The following MNAT1 variants were observed in gnomAD, a reference collection of about 807,000 sequenced individuals.
MNAT1 encodes the protein CDK-activating kinase assembly factor MAT1.
A neutral mutation model predicts 42.0 loss-of-function variants in MNAT1; 43 were observed. The ratio of observed to expected loss-of-function variants is 1.02; its 90% CI spans 0.80 to 1.32. The LOEUF is 1.32. Ranked by LOEUF, MNAT1 falls within the 40% of genes most tolerant of loss-of-function variation. MNAT1 has a pLI of 0.00. For synonymous variants in MNAT1, 118 were observed against 120.0 expected, an observed-to-expected ratio of 0.98 and a Z score of 0.11; for missense variants, 306 against 350.4, an observed-to-expected ratio of 0.87 and a Z score of 1.01.
chr14:60,759,338 A>C (rs1288186835), intron 1 of MNAT1, among the ~76,000 whole-genome samples: 1 of 152,162 alleles, frequency 6.6e-6, no homozygotes, highest in Non-Finnish European at 1.5e-5. Flanking sequence ...CTAGAGATTG[A>C]AACTTGAAAC....
chr14:60,968,065 A>G (rs779023269), intron 7 of MNAT1, among the ~76,000 whole-genome samples, 164 bp from the exon 8 acceptor site: 24 of 152,210 alleles, frequency 1.6e-4, no homozygotes, highest in Non-Finnish European at 3.1e-4. Context: ...TACAGTTGGT[A>G]TGTTTCCTTT....
intron 7 of MNAT1, among the ~76,000 whole-genome samples, chr14:60,950,675 T>G (rs936402581): frequency 6.6e-6 from 1 of 152,210 alleles, no homozygotes; most frequent in African/African-American, 2.4e-5. Flanking sequence ...TTTCTTCCAC[T>G]GTGGCCCAGG....
intron 6 of MNAT1, among the ~76,000 whole-genome samples, chr14:60,820,207 A>G (rs1041969230): frequency 1.3e-5 from 2 of 152,104 alleles, no homozygotes; most frequent in Admixed American, 6.6e-5. Context: ...TATTCAGATG[A>G]CACAATGTAG....
intron 1 of MNAT1, among the ~76,000 whole-genome samples, chr14:60,751,683 TAAG>T (rs2030100514): frequency 6.6e-6 from 1 of 151,888 alleles, no homozygotes; most frequent in Non-Finnish European, 1.5e-5. Flanking sequence ...TACAAAAAGA[TAAG>T]AAAATTTAAA....
chr14:60,741,270 G>A (rs1018369515), intron 1 of MNAT1, among the ~76,000 whole-genome samples: 1 of 152,032 alleles, frequency 6.6e-6, no homozygotes, highest in African/African-American at 2.4e-5. Context: ...TAAACTCCTG[G>A]GCTCAAATGA....
chr14:60,869,090 G>A (rs1411126131), intron 6 of MNAT1, among the ~76,000 whole-genome samples: 2 of 142,422 alleles, frequency 1.4e-5, no homozygotes, highest in African/African-American at 2.6e-5. Context: ...CCAGGCTGGA[G>A]TGCAGTGGCA....
chr14:60,883,510 T>C (rs1311773925), intron 7 of MNAT1, among the ~76,000 whole-genome samples: 3 of 152,160 alleles, frequency 2.0e-5, no homozygotes, highest in South Asian at 4.1e-4. Context: ...GGTAATATAA[T>C]TCCTGAAGTT....
At chr14:60,760,878 T>A (rs940299595) in intron 1 of MNAT1, among the ~76,000 whole-genome samples, 2 of 152,188 alleles carry the variant, frequency 1.3e-5, no homozygotes, top group African/African-American at 4.8e-5. Context: ...TCTTACCAGG[T>A]GCATTATTGA....
At chr14:60,849,961 T>A (rs896286396) in intron 6 of MNAT1, among the ~76,000 whole-genome samples, 1 of 152,050 alleles carries the variant, frequency 6.6e-6, no homozygotes, top group Non-Finnish European at 1.5e-5. Context: ...CTCAGCCTCC[T>A]GAGTGGCTGG....
intron 7 of MNAT1, among the ~76,000 whole-genome samples, chr14:60,929,965 T>G (rs2035852831): frequency 6.6e-6 from 1 of 152,210 alleles, no homozygotes; most frequent in African/African-American, 2.4e-5. Context: ...CCAAAAGGTC[T>G]TAATTTTATT....
At chr14:60,898,830 C>T (rs1051999206) in intron 7 of MNAT1, among the ~76,000 whole-genome samples, 3 of 152,030 alleles carry the variant, frequency 2.0e-5, no homozygotes, top group African/African-American at 7.2e-5. Context: ...AAATCTTTGC[C>T]TAAACCAATG....
At chr14:60,967,042 C>T (rs1476841602) in intron 7 of MNAT1, among the ~76,000 whole-genome samples, 1 of 152,002 alleles carries the variant, frequency 6.6e-6, no homozygotes, top group Non-Finnish European at 1.5e-5. Context: ...CCCCTTTCGC[C>T]CTTGGCAGAG....
intron 7 of MNAT1, among the ~76,000 whole-genome samples, chr14:60,922,980 T>C (rs891275973): frequency 1.3e-5 from 2 of 152,210 alleles, no homozygotes; most frequent in African/African-American, 4.8e-5. Context: ...ATCTGTTATT[T>C]TGTTGTAGGT....
chr14:60,737,913 A>G (rs1896352282), intron 1 of MNAT1, among the ~76,000 whole-genome samples: 1 of 151,124 alleles, frequency 6.6e-6, no homozygotes, highest in South Asian at 2.1e-4. Context: ...CAGTGGCGCA[A>G]TCTCGGCTCA....
At chr14:60,824,304 G>A (rs2032990086) in intron 6 of MNAT1, among the ~76,000 whole-genome samples, 1 of 151,696 alleles carries the variant, frequency 6.6e-6, no homozygotes, top group South Asian at 2.1e-4. Context: ...TACTTTCTTT[G>A]AATTTTAAAA....
chr14:60,955,173 T>C (rs968472081), intron 7 of MNAT1, among the ~76,000 whole-genome samples: 1 of 152,172 alleles, frequency 6.6e-6, no homozygotes, highest in Non-Finnish European at 1.5e-5. Flanking sequence ...ATAGTTCTTT[T>C]CTTTAATATC....
chr14:60,933,072 A>G (rs568386165), intron 7 of MNAT1, among the ~76,000 whole-genome samples: 6 of 151,956 alleles, frequency 3.9e-5, no homozygotes, highest in Non-Finnish European at 8.8e-5. Flanking sequence ...TTCCTCCTTT[A>G]TGAAATGGAG....
chr14:60,791,314 T>C (rs371485188), intron 1 of MNAT1, among the ~76,000 whole-genome samples: 1 of 152,166 alleles, frequency 6.6e-6, no homozygotes, highest in African/African-American at 2.4e-5. Flanking sequence ...GCAATATCTT[T>C]TCTTCTGAAA....
At chr14:60,926,129 T>G (rs953888240) in intron 7 of MNAT1, among the ~76,000 whole-genome samples, 2 of 152,190 alleles carry the variant, frequency 1.3e-5, no homozygotes, top group African/African-American at 4.8e-5. Flanking sequence ...GTAAACTCAT[T>G]ACCTCAGAAA....
Sources: gnomAD v4.1 joint callset for allele counts (sites outside exome capture counted in the v4.1 genomes callset) on GRCh38, gnomAD v4.1.1 for gene constraint, MANE v1.5 for transcripts, NCBI Gene and HGNC (gene_info 2026-07-23, HGNC 2026-07-21) for gene names.